FABP6: variants seen among roughly 807,000 people sequenced by gnomAD.
FABP6 encodes the protein gastrotropin.
In FABP6, 13 loss-of-function variants were observed where a neutral mutation model predicts 14.9. The ratio of observed to expected loss-of-function variants is 0.87; its 90% CI spans 0.57 to 1.39. The LOEUF is 1.39. Ranked by LOEUF, FABP6 falls within the 40% of genes most tolerant of loss-of-function variation. The pLI, the probability that FABP6 is intolerant of heterozygous loss-of-function variation, is 0.00. For missense variants in FABP6, 161 were observed against 167.2 expected (o/e 0.96, Z 0.20); for synonymous variants, 75 against 63.6 (o/e 1.18, Z -0.85).
intron 3 of FABP6, among the ~76,000 whole-genome samples, chr5:160,236,209 T>G (rs746413958): frequency 1.5e-4 from 23 of 151,834 alleles, no homozygotes; most frequent in Non-Finnish European, 2.9e-4. Context: ...AGAGACAGGG[T>G]TTCACCATGT....
At chr5:160,201,331 C>A (rs1305202333) in intron 2 of FABP6, among the ~76,000 whole-genome samples, 1 of 145,544 alleles carries the variant, frequency 6.9e-6, no homozygotes, top group Non-Finnish European at 1.5e-5. Context: ...GCACTCCAGC[C>A]TGGGCAACAA....
In FABP6 at chr5:160,232,128, G is replaced by A. The variant is rs17856662; in HGVS notation, c.98G>A (p.Arg33His). 1.9e-5 allele frequency: 31 copies of A among 1,613,832 alleles called. No individual in the cohort carries two copies. Among genetic ancestry groups the A allele is most frequent in the African/African-American group, 4.0e-5 (3 of 74,888 alleles). Residue 33 changes from arginine (R) to histidine (H), a missense_variant, in exon 2 of 4, where the codon CGC (arginine) becomes CAC (histidine). By Grantham distance (29) the Arg-to-His change is conservative. Transcript: ENST00000402432. Reference protein sequence around the residue: ...GISSDVIEKARNFKIVTEVQQ... With the variant: ...GISSDVIEKAHNFKIVTEVQQ... The stretch of plus-strand genomic sequence containing the variant: ...TCCAGCGATGTAATCGAAAAGGCCC[G>A]CAACTTCAAGATCGTCACGGAGGTG...
At chr5:160,194,175 G>C (rs2901521) in intron 1 of FABP6, among the ~76,000 whole-genome samples, 1 of 152,140 alleles carries the variant, frequency 6.6e-6, no homozygotes, top group Non-Finnish European at 1.5e-5. Context: ...CAGCAGGGCC[G>C]GCCGGCTGCT....
At chr5:160,210,249 C>T (rs1253738027) in intron 2 of FABP6, among the ~76,000 whole-genome samples, 1 of 152,230 alleles carries the variant, frequency 6.6e-6, no homozygotes, top group Non-Finnish European at 1.5e-5. Context: ...CTAGTTCTGG[C>T]ACCCAGTGAT....
At chr5:160,193,522 G>A (rs1283290076) in intron 1 of FABP6, among the ~76,000 whole-genome samples, 4 of 152,122 alleles carry the variant, frequency 2.6e-5, no homozygotes, top group Admixed American at 6.5e-5. Flanking sequence ...GTAGAGCCGA[G>A]TGGCCTGTTT....
At chr5:160,209,380 G>T (rs79247523) in intron 2 of FABP6, among the ~76,000 whole-genome samples, 1 of 151,908 alleles carries the variant, frequency 6.6e-6, no homozygotes, top group Non-Finnish European at 1.5e-5. Context: ...AAAATTAGTC[G>T]GGTGTGGTGG....
intron 2 of FABP6, among the ~76,000 whole-genome samples, chr5:160,201,087 G>T (rs1396793024): frequency 2.0e-5 from 3 of 152,164 alleles, no homozygotes; most frequent in Admixed American, 1.3e-4. Flanking sequence ...TGGGTGCCAT[G>T]GCTTACACCT....
At chr5:160,191,845 C>T (rs1467395680) in intron 1 of FABP6, among the ~76,000 whole-genome samples, 8 of 150,558 alleles carry the variant, frequency 5.3e-5, no homozygotes, top group Non-Finnish European at 8.9e-5. Flanking sequence ...TGGTGGCAGG[C>T]GCCTTGTAGT....
chr5:160,208,937 C>A (rs1301037672), intron 2 of FABP6, among the ~76,000 whole-genome samples: 1 of 151,942 alleles, frequency 6.6e-6, no homozygotes, highest in Non-Finnish European at 1.5e-5. Context: ...CCACTACACC[C>A]AACTAATTTT....
At chr5:160,189,803 C>T (rs1216838864) in intron 1 of FABP6, among the ~76,000 whole-genome samples, 2 of 152,148 alleles carry the variant, frequency 1.3e-5, no homozygotes, top group Non-Finnish European at 2.9e-5. Flanking sequence ...ATGAAGCTAT[C>T]GCATAAAGGA....
At chr5:160,204,700 A>G (rs1225308220) in intron 2 of FABP6, 1 of 152,294 alleles carries the variant, frequency 6.6e-6, no homozygotes, top group Non-Finnish European at 1.5e-5. Flanking sequence ...CATATTGGGC[A>G]GGCTGGTCTC....
At chr5:160,218,783 G>A (rs1403873985) in intron 3 of FABP6, among the ~76,000 whole-genome samples, 1 of 149,898 alleles carries the variant, frequency 6.7e-6, no homozygotes, top group Admixed American at 6.7e-5. Context: ...TTATGAGTTG[G>A]GGTCTCATTC....
chr5:160,212,765 G>A (rs187520593), intron 2 of FABP6, among the ~76,000 whole-genome samples: 5 of 152,180 alleles, frequency 3.3e-5, no homozygotes, highest in South Asian at 2.1e-4. Context: ...CACCGTGCCC[G>A]GCCACAACTG....
chr5:160,207,260 C>G (rs141392841), intron 2 of FABP6, among the ~76,000 whole-genome samples: 1 of 152,350 alleles, frequency 6.6e-6, no homozygotes, highest in East Asian at 1.9e-4. Flanking sequence ...TCCATTCATC[C>G]GACTCCCAGG....
chr5:160,224,179 T>C (rs2113126723), intron 3 of FABP6, among the ~76,000 whole-genome samples: 1 of 152,014 alleles, frequency 6.6e-6, no homozygotes, highest in Middle Eastern at 3.4e-3. Context: ...AAGCTTGCAG[T>C]GAACTGAGAT....
At chr5:160,188,965 C>G (rs910880224) in intron 1 of FABP6, among the ~76,000 whole-genome samples, 2 of 152,136 alleles carry the variant, frequency 1.3e-5, no homozygotes, top group Non-Finnish European at 2.9e-5. Flanking sequence ...GGCTCTGCAC[C>G]CTTTTTCTTT....
At chr5:160,207,509 T>C (rs1471981541) in intron 2 of FABP6, among the ~76,000 whole-genome samples, 1 of 152,252 alleles carries the variant, frequency 6.6e-6, no homozygotes, top group Admixed American at 6.5e-5. Flanking sequence ...TTTGTATTTA[T>C]TATTCAACAG....
chr5:160,217,178 T>C (rs1760028642), intron 3 of FABP6, among the ~76,000 whole-genome samples: 1 of 152,186 alleles, frequency 6.6e-6, no homozygotes, highest in African/African-American at 2.4e-5. Flanking sequence ...AGATGCTCCA[T>C]GGGGGCAGCA....
At chr5:160,206,291 C>T (rs1005320891) in intron 2 of FABP6, among the ~76,000 whole-genome samples, 2 of 152,022 alleles carry the variant, frequency 1.3e-5, no homozygotes, top group African/African-American at 4.8e-5. Flanking sequence ...ATTAGCGGGG[C>T]ATGATGCGTG....
Sources: gnomAD v4.1 joint callset for allele counts (sites outside exome capture counted in the v4.1 genomes callset) on GRCh38, gnomAD v4.1.1 for gene constraint, MANE v1.5 for transcripts, NCBI Gene and HGNC (gene_info 2026-07-23, HGNC 2026-07-21) for gene names.